NEK1: variants seen among roughly 807,000 people sequenced by gnomAD.
The protein encoded by NEK1 is NIMA related kinase 1.
In NEK1, 137 loss-of-function variants were observed where a neutral mutation model predicts 182.1. The observed-to-expected ratio is 0.75, with a 90% CI of 0.65 to 0.87. The LOEUF (loss-of-function observed/expected upper bound fraction) is 0.87, where lower values mean the gene tolerates loss of function less well. Ranked by LOEUF, NEK1 falls within the 40% of genes least tolerant of loss-of-function variation. The probability of loss-of-function intolerance (pLI) is 0.00; values close to 1 mark genes in which losing one functional copy is unlikely to be tolerated. For missense variants in NEK1, 1,391 were observed against 1,494.4 expected (o/e 0.93, Z 1.14); for synonymous variants, 513 against 492.2 (o/e 1.04, Z -0.56).
chr4:169,546,189 G>A (rs11729737), intron 18 of NEK1, among the ~76,000 whole-genome samples: 2 of 152,032 alleles, frequency 1.3e-5, no homozygotes, highest in African/African-American at 4.8e-5. Flanking sequence ...TTGTGTCTTT[G>A]TTCTCATTGG....
At chr4:169,514,301 T>G (rs943700991) in intron 19 of NEK1, among the ~76,000 whole-genome samples, 1 of 152,114 alleles carries the variant, frequency 6.6e-6, no homozygotes, top group Non-Finnish European at 1.5e-5. Flanking sequence ...ATTTTTGTAT[T>G]TAATTTCATC....
chr4:169,602,416 T>G, intron 3 of NEK1, 98 bp downstream of exon 3: 1 of 727,286 alleles, frequency 1.4e-6, no homozygotes. Flanking sequence ...TGCTTTAGGT[T>G]ATCGATTACT....
rs147795888 is a variant in NEK1, at chr4:169,406,908, T to A, written c.3223-161A>T. ...ACATATATATGTAACATATAAAAAATATATATATATATTTTTAGAGCTAGA... is the reference window on the plus strand; with the variant it reads ...ACATATATATGTAACATATAAAAAAAATATATATATATTTTTAGAGCTAGA... On this transcript the variant is annotated intron_variant, in intron 31 of 35. Coordinates refer to ENST00000507142, the MANE Select transcript of NEK1 (RefSeq NM_001199397.3). Among the ~76,000 whole-genome samples, 574 of 150,840 alleles carry A rather than the reference T, an allele frequency of 3.8e-3. 5 individuals are homozygous for A. The highest frequency in any genetic ancestry group is 0.013 in the African/African-American group (518 of 41,234).
chr4:169,603,717 T>C (rs1173289509), intron 2 of NEK1, among the ~76,000 whole-genome samples: 2 of 151,718 alleles, frequency 1.3e-5, no homozygotes, highest in Non-Finnish European at 2.9e-5. Context: ...TTTTTTTTTT[T>C]TTTTTTTTAA....
intron 26 of NEK1, among the ~76,000 whole-genome samples, chr4:169,475,067 A>G (rs1746698984): frequency 6.6e-6 from 1 of 152,174 alleles, no homozygotes; most frequent in African/African-American, 2.4e-5. Context: ...GATGATCCCT[A>G]TGATTGCCCA....
rs1041685034 is a variant in NEK1 at position 169,413,585 on chromosome 4, C to T, written c.3223-6838G>A. Among the ~76,000 whole-genome samples, 9 of 152,242 alleles carry T rather than the reference C, an allele frequency of 5.9e-5. No individual in the cohort carries two copies. In the South Asian group the frequency reaches 1.2e-3, roughly 21 times the overall value. Reference sequence around the variant, plus strand: ...AGTGATAAAGTACAAATTTAAATGACCTTTAATCAGTCTTTGTCTCTGTGT... The same window carrying T: ...AGTGATAAAGTACAAATTTAAATGATCTTTAATCAGTCTTTGTCTCTGTGT... On this transcript the variant is annotated intron_variant, in intron 31 of 35. Coordinates refer to ENST00000507142, the MANE Select transcript of NEK1 (RefSeq NM_001199397.3).
chr4:169,463,337 C>G lies in NEK1; in HGVS notation c.2493G>C (p.Trp831Cys). Reference sequence around the variant, plus strand: ...GAACAGAATCTGTCGGACTTTTCCCCCAGGCTCTTCTTGGAGATCCATTAG... The same window carrying G: ...GAACAGAATCTGTCGGACTTTTCCCGCAGGCTCTTCTTGGAGATCCATTAG... ...LGPNGSPRRAWGKSPTDSVLK... is the reference protein window; with the variant it reads ...LGPNGSPRRACGKSPTDSVLK... Residue 831 changes from tryptophan to cysteine, a missense_variant, in exon 27 of 36, where the codon TGG becomes TGC. Coordinates refer to ENST00000507142, the MANE Select transcript of NEK1 (RefSeq NM_001199397.3). 1 of 1,610,380 alleles carries G rather than the reference C, an allele frequency of 6.2e-7. No homozygotes were observed. The highest frequency in any genetic ancestry group is 2.2e-5 in the East Asian group (1 of 44,680).
intron 27 of NEK1, among the ~76,000 whole-genome samples, chr4:169,440,495 A>G (rs923320575): frequency 3.3e-5 from 5 of 152,230 alleles, no homozygotes; most frequent in Non-Finnish European, 7.3e-5. Flanking sequence ...GGCTGACCAC[A>G]GACACCTGGC....
chr4:169,524,473 A>G (rs909169556), intron 19 of NEK1, among the ~76,000 whole-genome samples: 1 of 151,976 alleles, frequency 6.6e-6, no homozygotes, highest in African/African-American at 2.4e-5. Context: ...AAAAAAAAAA[A>G]AAAAAAAGAA....
chr4:169,532,492 T>C (rs756458842), intron 19 of NEK1, among the ~76,000 whole-genome samples: 3 of 152,328 alleles, frequency 2.0e-5, no homozygotes, highest in African/African-American at 4.8e-5. Flanking sequence ...GATGTGTTAA[T>C]GTAGGTTCGT....
At chr4:169,465,862 A>T (rs1021895608) in intron 26 of NEK1, among the ~76,000 whole-genome samples, 23 of 152,146 alleles carry the variant, frequency 1.5e-4, no homozygotes, top group Admixed American at 9.2e-4. Flanking sequence ...AGGTAACTAA[A>T]TTGTGTCCAA....
chr4:169,431,676 C>A (rs994686802), intron 29 of NEK1, among the ~76,000 whole-genome samples: 2 of 151,702 alleles, frequency 1.3e-5, no homozygotes, highest in African/African-American at 4.8e-5. Flanking sequence ...TGTCAGTAAT[C>A]CCAGCTCTTT....
chr4:169,417,303 G>A (rs1734704955), intron 31 of NEK1, among the ~76,000 whole-genome samples: 1 of 152,190 alleles, frequency 6.6e-6, no homozygotes, highest in South Asian at 2.1e-4. Flanking sequence ...AATGCCATAT[G>A]AAACCTTGTA....
In NEK1 at chr4:169,602,098, T is replaced by C. The variant is rs941024976; in HGVS notation, c.124A>G (p.Ser42Gly). Reference sequence around the variant, plus strand: ...CTCCTTGATTCTTCTCTTTCTTTACTGGACATCTTAAATGGGAGGAAAAAG... The same window carrying C: ...CTCCTTGATTCTTCTCTTTCTTTACCGGACATCTTAAATGGGAGGAAAAAG... Reference protein sequence around the residue: ...IKEINISRMSSKEREESRREV... With the variant: ...IKEINISRMSGKEREESRREV... Residue 42 changes from serine to glycine, a missense_variant, in exon 4 of 36, where the codon AGT (serine) becomes GGT (glycine). Around this residue, in one of 5 missense-constraint regions of NEK1, gnomAD observed 42 missense variants for 47.9 expected, o/e 0.88. Transcript: ENST00000507142. 14 of 1,610,406 alleles carry C rather than the reference T, an allele frequency of 8.7e-6. No homozygotes were observed. The African/African-American group carries it at 1.6e-4, about 18-fold the overall frequency.
intron 4 of NEK1, among the ~76,000 whole-genome samples, chr4:169,601,671 T>C (rs1036210186): frequency 6.6e-6 from 1 of 152,100 alleles, no homozygotes; most frequent in Admixed American, 6.5e-5. Flanking sequence ...ACTTACTGCA[T>C]TGCTTCTTTT....
At chr4:169,570,349 C>T (rs970111103) in intron 12 of NEK1, among the ~76,000 whole-genome samples, 31 of 151,310 alleles carry the variant, frequency 2.0e-4, no homozygotes, top group Non-Finnish European at 3.5e-4. Flanking sequence ...CCACCCCGTC[C>T]GGGAGGGAGG....
At chr4:169,535,315 A>G (rs1758300984) in intron 19 of NEK1, among the ~76,000 whole-genome samples, 1 of 151,402 alleles carries the variant, frequency 6.6e-6, no homozygotes, top group Admixed American at 6.6e-5. Flanking sequence ...AAGAGCGAAA[A>G]CTCTGTCTCA....
intron 31 of NEK1, 124 bp downstream of exon 31, chr4:169,424,429 T>C: frequency 8.7e-7 from 1 of 1,154,080 alleles, no homozygotes; most frequent in African/African-American, 1.6e-5. Context: ...AGATGGAGGT[T>C]TTTGTTGGAT....
At chr4:169,425,398 G>A (rs1431237740) in intron 30 of NEK1, among the ~76,000 whole-genome samples, 1 of 150,620 alleles carries the variant, frequency 6.6e-6, no homozygotes, top group Non-Finnish European at 1.5e-5. Flanking sequence ...CTCCAGCCTG[G>A]GCAACAGAGT....
Sources: gnomAD v4.1 joint callset for allele counts (sites outside exome capture counted in the v4.1 genomes callset) on GRCh38, gnomAD v4.1.1 for gene constraint, gnomAD v4.1.1 regional missense constraint, MANE v1.5 for transcripts, NCBI Gene and HGNC (gene_info 2026-07-23, HGNC 2026-07-21) for gene names.